DPP10: variants seen among roughly 807,000 people sequenced by gnomAD.
DPP10 encodes inactive dipeptidyl peptidase 10.
In DPP10, 33 loss-of-function variants were observed where a neutral mutation model predicts 120.9. That is an observed-to-expected ratio of 0.27 (90% confidence interval 0.21 to 0.37). DPP10 has a LOEUF of 0.37. Among genes scored for constraint, DPP10 ranks in the 10% least tolerant of loss-of-function variants. The pLI is 1.00. For synonymous variants in DPP10, 337 were observed against 326.1 expected, an observed-to-expected ratio of 1.03 and a Z score of -0.36; for missense variants, 816 against 942.8, an observed-to-expected ratio of 0.87 and a Z score of 1.76.
intron 17 of DPP10, 63 bp from the exon 18 acceptor site, chr2:115,791,018 G>A: frequency 8.3e-7 from 1 of 1,204,276 alleles, no homozygotes; most frequent in Non-Finnish European, 1.2e-6. Context: ...TTTTTGTTGT[G>A]TCACACTGAT....
chr2:114,476,625 A>G (rs1680395997), intron 1 of DPP10, among the ~76,000 whole-genome samples: 1 of 152,216 alleles, frequency 6.6e-6, no homozygotes, highest in African/African-American at 2.4e-5. Flanking sequence ...TAATCATTGA[A>G]TCATATGCCA....
intron 1 of DPP10, among the ~76,000 whole-genome samples, chr2:115,173,037 A>G (rs2053465591): frequency 6.6e-6 from 1 of 152,178 alleles, no homozygotes; most frequent in Non-Finnish European, 1.5e-5. Flanking sequence ...GAAGTTGACA[A>G]AGTTTATATT....
intron 2 of DPP10, chr2:115,342,258 G>A (rs1038808296): frequency 4.5e-5 from 18 of 398,850 alleles, no homozygotes; most frequent in Non-Finnish European, 8.0e-5. Context: ...GAGTATAGTG[G>A]TGCAGTGGTG....
chr2:115,035,060 G>A (rs532726091), intron 1 of DPP10, among the ~76,000 whole-genome samples: 40 of 152,324 alleles, frequency 2.6e-4, no homozygotes, highest in Non-Finnish European at 4.7e-4. Flanking sequence ...GCATTTAGCC[G>A]ATGACACCTT....
chr2:115,525,758 C>T (rs751184013), intron 4 of DPP10, 140 bp from the exon 5 acceptor site: 1 of 607,308 alleles, frequency 1.6e-6, no homozygotes, highest in Non-Finnish European at 2.8e-6. Flanking sequence ...TACATACATA[C>T]ATGCAAATAT....
chr2:115,058,312 C>G (rs930189483), intron 1 of DPP10, among the ~76,000 whole-genome samples: 8 of 143,894 alleles, frequency 5.6e-5, no homozygotes, highest in African/African-American at 1.8e-4. Flanking sequence ...AAGGCACACT[C>G]CTAGTTAACA....
intron 1 of DPP10, among the ~76,000 whole-genome samples, chr2:115,118,609 A>T (rs2049653224): frequency 6.6e-6 from 1 of 151,942 alleles, no homozygotes; most frequent in Non-Finnish European, 1.5e-5. Context: ...ACGGGGTCTC[A>T]CTCTGTCACT....
chr2:115,196,378 A>G (rs755470707), intron 1 of DPP10, among the ~76,000 whole-genome samples: 5 of 152,172 alleles, frequency 3.3e-5, no homozygotes, highest in Non-Finnish European at 7.3e-5. Context: ...ACAATGACCT[A>G]CTGGATTAGT....
chr2:115,273,578 C>T (rs922945981), intron 1 of DPP10, among the ~76,000 whole-genome samples: 13 of 152,110 alleles, frequency 8.5e-5, no homozygotes, highest in African/African-American at 2.9e-4. Context: ...CCTCGTGATC[C>T]GCCCGCCTCG....
At chr2:115,819,554 G>T (rs1320093312) in intron 21 of DPP10, among the ~76,000 whole-genome samples, 2 of 151,546 alleles carry the variant, frequency 1.3e-5, no homozygotes, top group Non-Finnish European at 1.5e-5. Flanking sequence ...GTATTTTCTG[G>T]CTGGTTGTTC....
intron 3 of DPP10, among the ~76,000 whole-genome samples, chr2:115,376,444 T>C (rs1017485379): frequency 2.0e-5 from 3 of 152,018 alleles, no homozygotes; most frequent in African/African-American, 4.8e-5. Context: ...TCTTTTTTTT[T>C]CCCTTTCCTT....
intron 4 of DPP10, among the ~76,000 whole-genome samples, chr2:115,507,467 G>A (rs1038524267): frequency 6.6e-6 from 1 of 152,128 alleles, no homozygotes; most frequent in African/African-American, 2.4e-5. Flanking sequence ...AGAATGATTA[G>A]TTGCTTAGGA....
chr2:115,510,849 T>G (rs1467790105), intron 4 of DPP10, among the ~76,000 whole-genome samples: 1 of 152,194 alleles, frequency 6.6e-6, no homozygotes. Context: ...CTAAAAATCA[T>G]ACTTTTATTG....
chr2:114,825,656 T>C lies in DPP10; in HGVS notation c.60+382818T>C, dbSNP rs542083250. ...TTGAAGCATTCTATGAATTTTATGT[T>C]CCCCCCCAACTCCAAACACAGACCC... On this transcript the variant is annotated intron_variant, in intron 1 of 25. Coordinates refer to ENST00000410059, the MANE Select transcript of DPP10 (RefSeq NM_020868.6). 7.2e-5 allele frequency among the ~76,000 whole-genome samples: 11 copies of C among 152,062 alleles called. No individual in the cohort carries two copies. In the East Asian group the frequency reaches 2.1e-3, roughly 29 times the overall value.
chr2:115,545,227 A>G (rs1273366953), intron 5 of DPP10, among the ~76,000 whole-genome samples: 1 of 152,166 alleles, frequency 6.6e-6, no homozygotes, highest in African/African-American at 2.4e-5. Context: ...ATATATCTTG[A>G]TCTCTTTCAA....
At chr2:115,084,101 C>T (rs1391964936) in intron 1 of DPP10, among the ~76,000 whole-genome samples, 1 of 152,072 alleles carries the variant, frequency 6.6e-6, no homozygotes, top group Non-Finnish European at 1.5e-5. Context: ...GAATACGAAA[C>T]CTATATGAAT....
intron 7 of DPP10, among the ~76,000 whole-genome samples, chr2:115,698,248 GA>G (rs1310311559): frequency 1.3e-5 from 2 of 152,098 alleles, no homozygotes; most frequent in Non-Finnish European, 2.9e-5. Flanking sequence ...GTGGAAATTA[GA>G]AAACATTCTC....
In DPP10 at chr2:114,855,506, C is replaced by G. The variant is rs1030064523; in HGVS notation, c.60+412668C>G. Among the ~76,000 whole-genome samples the G allele has an allele frequency of 5.9e-5, 9 of 152,264 alleles. No individual in the cohort carries two copies. In the South Asian group the frequency reaches 1.9e-3, roughly 32 times the overall value. ...TCCACTTTTTAAGACTTCAAAATTT[C>G]AGAAGGTTTAAAAAGAGATTAACTA... On this transcript the variant is annotated intron_variant, in intron 1 of 25. Coordinates refer to ENST00000410059, the MANE Select transcript of DPP10 (RefSeq NM_020868.6).
At chr2:115,178,792 C>T (rs1016774061) in intron 1 of DPP10, among the ~76,000 whole-genome samples, 16 of 152,128 alleles carry the variant, frequency 1.1e-4, no homozygotes, top group Admixed American at 6.5e-5. Context: ...TATATACATG[C>T]TTTCCAACTT....
Sources: gnomAD v4.1 joint callset for allele counts (sites outside exome capture counted in the v4.1 genomes callset) on GRCh38, gnomAD v4.1.1 for gene constraint, MANE v1.5 for transcripts, NCBI Gene and HGNC (gene_info 2026-07-23, HGNC 2026-07-21) for gene names.